PSMG2: variants seen among roughly 807,000 people sequenced by gnomAD.
The protein encoded by PSMG2 is CD40 ligand-activated specific transcript 3.
PSMG2 carries 21 observed loss-of-function variants against 31.5 expected under a neutral mutation model. That is an observed-to-expected ratio of 0.67 (90% CI 0.47 to 0.96). The LOEUF is 0.96. Ranked by LOEUF, PSMG2 falls within the 40% of genes least tolerant of loss-of-function variation. The pLI is 0.00. For synonymous variants in PSMG2, 120 were observed against 110.4 expected, an observed-to-expected ratio of 1.09 and a Z score of -0.54; for missense variants, 318 against 321.2, an observed-to-expected ratio of 0.99 and a Z score of 0.08.
At chr18:12,683,301 G>A (rs1456942364) in intron 1 of PSMG2, among the ~76,000 whole-genome samples, 2 of 151,224 alleles carry the variant, frequency 1.3e-5, no homozygotes, top group Non-Finnish European at 1.5e-5. Context: ...GCAGTGAGTC[G>A]AGATCGTGAC....
intron 1 of PSMG2, chr18:12,671,289 AC>A (rs1568006845): frequency 3.3e-5 from 5 of 152,102 alleles, no homozygotes. Context: ...TTTTCGAAAA[AC>A]GAAATCATTT....
chr18:12,702,770 C>T (rs887749176), upstream of PSMG2: 5 of 583,858 alleles, frequency 8.6e-6, no homozygotes, highest in Admixed American at 6.6e-5. Context: ...CAGTGGCGGA[C>T]AAACAGGGCT....
At chr18:12,660,788 T>C (rs1456540441) in intron 1 of PSMG2, among the ~76,000 whole-genome samples, 1 of 152,076 alleles carries the variant, frequency 6.6e-6, no homozygotes, top group African/African-American at 2.4e-5. Flanking sequence ...CAATTCATGG[T>C]ATGATATACT....
At chr18:12,666,288 C>G (rs1207311309) in intron 1 of PSMG2, among the ~76,000 whole-genome samples, 1 of 152,006 alleles carries the variant, frequency 6.6e-6, no homozygotes, top group African/African-American at 2.4e-5. Flanking sequence ...GTGATCACAC[C>G]CCTGCACTCT....
intron 6 of PSMG2, 27 bp downstream of exon 6, chr18:12,724,646 T>C: frequency 6.4e-7 from 1 of 1,559,202 alleles, no homozygotes; most frequent in Non-Finnish European, 8.6e-7. Context: ...CTTAAGCCTC[T>C]TCTTTGTCTG....
intron 1 of PSMG2, among the ~76,000 whole-genome samples, chr18:12,682,301 C>G (rs1338041452): frequency 6.6e-6 from 1 of 151,984 alleles, no homozygotes; most frequent in Non-Finnish European, 1.5e-5. Context: ...GTGATTCCCC[C>G]GCCTCAGCCT....
At chr18:12,666,329 CAAAATAAA>C (rs2038801801) in intron 1 of PSMG2, among the ~76,000 whole-genome samples, 1 of 150,512 alleles carries the variant, frequency 6.6e-6, no homozygotes, top group Admixed American at 6.7e-5. Flanking sequence ...ACCCCCAGCT[CAAAATAAA>C]AAATTATTAT....
intron 1 of PSMG2, chr18:12,662,082 CTCTGAG>C (rs1005347557): frequency 2.4e-6 from 1 of 418,892 alleles, no homozygotes; most frequent in African/African-American, 2.1e-5. Flanking sequence ...GGCTGTGCTG[CTCTGAG>C]TCTTTCAGGG....
chr18:12,660,568 G>A (rs761606147), intron 1 of PSMG2, among the ~76,000 whole-genome samples: 44 of 152,046 alleles, frequency 2.9e-4, no homozygotes, highest in Non-Finnish European at 5.3e-4. Flanking sequence ...TGGTCCACCC[G>A]CCTCAGCCTC....
Position 12,724,498 on chromosome 18 carries a change from GCTGTTC to G in PSMG2, c.582_587del (p.Cys195_Ser196del). On this transcript the variant is annotated inframe_deletion and splice_region_variant, in exon 6 of 7. Coordinates refer to ENST00000317615, the MANE Select transcript of PSMG2 (RefSeq NM_020232.5). The stretch of plus-strand genomic sequence containing the variant: ...CTGATTCTTATTTTTATTTCTTGTA[GCTGTTC>G]TAAAGAAATCCAAATGGCAGTTCTG... 1 of 1,595,536 alleles carries G rather than the reference GCTGTTC, an allele frequency of 6.3e-7. No homozygotes were observed. The highest frequency in any genetic ancestry group is 8.5e-7 in the Non-Finnish European group (1 of 1,173,140).
intron 1 of PSMG2, among the ~76,000 whole-genome samples, chr18:12,684,116 A>G (rs894461372): frequency 6.7e-6 from 1 of 150,148 alleles, no homozygotes; most frequent in Non-Finnish European, 1.5e-5. Flanking sequence ...CCTCCACCTC[A>G]TGGGTTCAAG....
chr18:12,706,492 A>G (rs1413205162), intron 1 of PSMG2, 58 bp from the exon 2 acceptor site: 4 of 1,573,810 alleles, frequency 2.5e-6, no homozygotes, highest in Admixed American at 3.4e-5. Flanking sequence ...GTTTCAAAAA[A>G]TAAAATAAAG....
upstream of PSMG2, chr18:12,703,041 C>T: frequency 1.7e-5 from 27 of 1,561,120 alleles, no homozygotes; most frequent in Non-Finnish European, 2.3e-5. Context: ...CTCGGGCTTC[C>T]GCCTTCTTGC....
rs181285786 is a variant in PSMG2, at chr18:12,682,152, G to A, written c.-37+23379G>A. Among the ~76,000 whole-genome samples, 11 of 152,206 alleles carry A rather than the reference G, an allele frequency of 7.2e-5. No individual in the cohort carries two copies. The East Asian group carries it at 2.1e-3, about 29-fold the overall frequency. On this transcript the variant is annotated intron_variant, in intron 1 of 6. Transcript: ENST00000585331. The stretch of plus-strand genomic sequence containing the variant: ...AACTATTTGAGTTGAGTGTCCGAAT[G>A]AAGAAATTTCTTTTTTTTTTCCTCT...
intron 1 of PSMG2, among the ~76,000 whole-genome samples, chr18:12,668,132 G>T (rs1008341217): frequency 6.6e-6 from 1 of 152,036 alleles, no homozygotes; most frequent in African/African-American, 2.4e-5. Context: ...AGACATGTTG[G>T]TGCAGGCCTG....
chr18:12,694,569 G>A (rs2039880734), intron 1 of PSMG2, among the ~76,000 whole-genome samples: 1 of 152,196 alleles, frequency 6.6e-6, no homozygotes, highest in Admixed American at 6.5e-5. Context: ...AAAGTGGCAA[G>A]CACTTCTACC....
At chr18:12,697,724 C>T (rs1268509935) in intron 1 of PSMG2, among the ~76,000 whole-genome samples, 1 of 152,168 alleles carries the variant, frequency 6.6e-6, no homozygotes, top group Non-Finnish European at 1.5e-5. Flanking sequence ...AAAAAGCCTT[C>T]AAGTATGTCA....
At chr18:12,683,881 T>C (rs2039442733) in intron 1 of PSMG2, among the ~76,000 whole-genome samples, 2 of 151,902 alleles carry the variant, frequency 1.3e-5, no homozygotes, top group East Asian at 3.9e-4. Flanking sequence ...ATGATACATA[T>C]ACAGCAGAAA....
intron 1 of PSMG2, chr18:12,695,415 T>G: frequency 1.4e-6 from 1 of 723,062 alleles, no homozygotes; most frequent in Non-Finnish European, 2.2e-6. Flanking sequence ...TCAACCAAAG[T>G]CTAACCAAAA....
Sources: allele counts gnomAD v4.1 joint callset (sites outside exome capture counted in the v4.1 genomes callset), GRCh38; gene constraint gnomAD v4.1.1; transcripts MANE v1.5; gene names NCBI Gene and HGNC (gene_info 2026-07-23, HGNC 2026-07-21).